Variants in KDR observed in about 807,000 individuals in gnomAD.
KDR encodes the protein vascular endothelial growth factor receptor 2.
A neutral mutation model predicts 160.9 loss-of-function variants in KDR; 43 were observed. The observed-to-expected ratio is 0.27, with a 90% CI of 0.21 to 0.34. The LOEUF (loss-of-function observed/expected upper bound fraction) is 0.34, where lower values mean the gene tolerates loss of function less well. KDR is among the 10% of genes least tolerant of loss of function. The pLI, the probability that KDR is intolerant of heterozygous loss-of-function variation, is 1.00. For synonymous variants in KDR, 617 were observed against 600.1 expected (o/e 1.03, Z -0.41); for missense variants, 1,469 against 1,666.4 (o/e 0.88, Z 2.06).
In KDR at chr4:55,097,690, G is replaced by A. The variant is rs754157183; in HGVS notation, c.2586C>T (p.Cys862=). The change falls in exon 18 of 30, where the codon TGC becomes TGT. Residue 862 remains cysteine, a synonymous_variant. Coordinates refer to ENST00000263923, the MANE Select transcript of KDR (RefSeq NM_002253.4). Reference sequence around the variant, plus strand: ...TCAACATTTTGACTGCTACTGTCCTGCAAGTTGCTGTCTTGTCAATTCCAA... The same window carrying A: ...TCAACATTTTGACTGCTACTGTCCTACAAGTTGCTGTCTTGTCAATTCCAA... The part of the protein sequence containing the change: ...DAFGIDKTAT[C]RTVAVKMLKE... The A allele has an allele frequency of 1.4e-5, 23 of 1,612,970 alleles. No homozygotes were observed. The Admixed American group carries it at 3.8e-4, about 27-fold the overall frequency.
chr4:55,096,381 A>G (rs1560516242), intron 18 of KDR, 39 bp from the exon 19 acceptor site: 2 of 1,300,596 alleles, frequency 1.5e-6, no homozygotes, highest in African/African-American at 2.9e-5. Flanking sequence ...ATAGGTATGG[A>G]CATTTCCTTC....
At chr4:55,122,590 G>A (rs1325480681) in intron 1 of KDR, among the ~76,000 whole-genome samples, 1 of 152,168 alleles carries the variant, frequency 6.6e-6, no homozygotes, top group Non-Finnish European at 1.5e-5. Context: ...ATAAGTGACT[G>A]CACATGTTCT....
At chr4:55,120,858 G>GTGTGTGTT (rs1720853070) in intron 2 of KDR, among the ~76,000 whole-genome samples, 1 of 151,568 alleles carries the variant, frequency 6.6e-6, no homozygotes, top group African/African-American at 2.4e-5. Flanking sequence ...GTGCGTGTGT[G>GTGTGTGTT]TGTGTGTGTG....
chr4:55,092,790 T>G, intron 21 of KDR, 76 bp from the exon 22 acceptor site: 1 of 1,037,912 alleles, frequency 9.6e-7, no homozygotes, highest in Non-Finnish European at 1.5e-6. Context: ...GCTAGAGTAA[T>G]AATCTTTTTA....
chr4:55,105,710 T>C (rs1720430503), intron 12 of KDR, 122 bp downstream of exon 12: 1 of 778,176 alleles, frequency 1.3e-6, no homozygotes, highest in Non-Finnish European at 2.4e-6. Context: ...CAATGATCAA[T>C]CCAAGTCCTC....
At chr4:55,096,831 A>G (rs1720167869) in intron 18 of KDR, 2 of 201,112 alleles carry the variant, frequency 9.9e-6, no homozygotes, top group African/African-American at 4.6e-5. Flanking sequence ...CAGTTGGCAC[A>G]TGAGGCTGAT....
chr4:55,089,025 TGAAAA>T, intron 25 of KDR, 52 bp from the exon 26 acceptor site: 1 of 1,297,982 alleles, frequency 7.7e-7, no homozygotes, highest in East Asian at 2.3e-5. Context: ...TCCTGAATGC[TGAAAA>T]TAAGCACTTA....
At chr4:55,121,406 T>C (rs1001664571) in intron 1 of KDR, among the ~76,000 whole-genome samples, 2 of 152,206 alleles carry the variant, frequency 1.3e-5, no homozygotes, top group African/African-American at 4.8e-5. Flanking sequence ...ACACAACAGT[T>C]CTGCAATTCA....
Position 55,104,956 on chromosome 4 carries a change from G to A in KDR, c.1674C>T (p.Asp558=). The A allele has an allele frequency of 6.2e-7, 1 of 1,613,884 alleles. No individual in the cohort carries two copies. The highest frequency in any genetic ancestry group is 8.5e-7 in the Non-Finnish European group (1 of 1,179,854). ...CGCTCTCCTGCTCAGTGGGCTGCAT[G>A]TCAGGTTGCAAAGTAATTTCAGGAC... ...TRGPEITLQP[D]MQPTEQESVS... Residue 558 remains aspartate (D), a synonymous_variant, in exon 13 of 30, where the codon GAC becomes GAT. Transcript: ENST00000263923.
chr4:55,113,606 C>T, intron 6 of KDR, 125 bp from the exon 7 acceptor site: 3 of 832,048 alleles, frequency 3.6e-6, no homozygotes, highest in Non-Finnish European at 5.8e-6. Context: ...ACAGGGACAC[C>T]AGAACTTTTA....
chr4:55,082,665 T>A (rs372769194), intron 27 of KDR, 30 bp from the exon 28 acceptor site: 1 of 1,559,618 alleles, frequency 6.4e-7, no homozygotes, highest in Non-Finnish European at 8.8e-7. Context: ...TATATTTTAG[T>A]GGTGGTATAT....
intron 13 of KDR, among the ~76,000 whole-genome samples, chr4:55,104,386 G>A (rs573883259): frequency 6.6e-6 from 1 of 152,272 alleles, no homozygotes; most frequent in South Asian, 2.1e-4. Context: ...TAAGGCAGAA[G>A]TTTCCCTGGT....
intron 27 of KDR, among the ~76,000 whole-genome samples, chr4:55,087,140 T>C (rs548991103): frequency 6.6e-6 from 1 of 152,328 alleles, no homozygotes; most frequent in East Asian, 1.9e-4. Context: ...AGATGCAGTG[T>C]CCAGTCTAAT....
chr4:55,102,507 C>T lies in KDR; in HGVS notation c.1989G>A (p.Glu663=). The T allele has an allele frequency of 6.2e-7, 1 of 1,613,664 alleles. No homozygotes were observed. The highest frequency in any genetic ancestry group is 8.5e-7 in the Non-Finnish European group (1 of 1,179,684). Residue 663 remains glutamate (E), a splice_region_variant and synonymous_variant, in exon 14 of 30, where the codon GAG becomes GAA. Transcript: ENST00000263923. ...TTCCTGTGATCGTGGGTGCCACACG[C>T]TCTAGACACACAAAAAGAAAATCAC... ...HCVVRQLTVL[E]RVAPTITGNL...
Position 55,125,421 on chromosome 4 carries a change from A to C in KDR, c.-128T>G. ...CGCAGCGCAGGACAGTTGAGCGCAC[A>C]GGGCTAGGGAGCCCGGGCGCCGACC... On this transcript the variant is annotated 5_prime_UTR_variant, in exon 1 of 30. Coordinates refer to ENST00000263923, the MANE Select transcript of KDR (RefSeq NM_002253.4). 1 of 1,199,430 alleles carries C rather than the reference A, an allele frequency of 8.3e-7. No homozygotes were observed. The highest frequency in any genetic ancestry group is 2.1e-5 in the Admixed American group (1 of 47,334). The allele number at this position is 1,199,430 out of a possible 1,614,324, so 74.3% of individuals were successfully genotyped here. A position where few individuals can be genotyped will look rare whatever the true frequency, so the allele number is the denominator to read the frequency against.
intron 27 of KDR, among the ~76,000 whole-genome samples, chr4:55,085,259 T>C (rs2083715155): frequency 6.6e-6 from 1 of 152,206 alleles, no homozygotes; most frequent in African/African-American, 2.4e-5. Context: ...AAGCTAAGTC[T>C]AGACATGAGT....
In KDR at chr4:55,094,936, C is replaced by T. The variant is rs140041720; in HGVS notation, c.2837G>A (p.Arg946His). ...VPYKTKGARF[R>H]QGKDYVGAIP... ...TGCTCCAACGTAGTCTTTCCCTTGA[C>T]GGAATCGTGCCCCTTTGGTCTATAA... The change falls in exon 21 of 30, where the codon CGT becomes CAT. Residue 946 changes from arginine to histidine, a missense_variant. Coordinates refer to ENST00000263923, the MANE Select transcript of KDR (RefSeq NM_002253.4). 2.3e-4 allele frequency: 366 copies of T among 1,613,890 alleles called. 3 individuals are homozygous for T. In the East Asian group the frequency reaches 6.0e-3, roughly 26 times the overall value.
chr4:55,081,637 T>C (rs551111973), intron 29 of KDR, among the ~76,000 whole-genome samples: 161 of 152,352 alleles, frequency 1.1e-3, no homozygotes, highest in African/African-American at 3.7e-3. Flanking sequence ...TGTAATCATA[T>C]TGACAGCTTT....
intron 15 of KDR, among the ~76,000 whole-genome samples, chr4:55,099,004 T>G (rs536019495): frequency 1.3e-3 from 200 of 150,140 alleles, no homozygotes; most frequent in African/African-American, 4.7e-3. Flanking sequence ...TATTTATTTA[T>G]TTATTTATTT....
Sources: allele counts gnomAD v4.1 joint callset (sites outside exome capture counted in the v4.1 genomes callset), GRCh38; gene constraint gnomAD v4.1.1; transcripts MANE v1.5; gene names NCBI Gene and HGNC (gene_info 2026-07-23, HGNC 2026-07-21).